Variants in FIGNL2 observed in about 807,000 individuals in gnomAD.
The protein encoded by FIGNL2 is fidgetin like 2, also known as fidgetin-like protein 2.
For missense variants in FIGNL2, 1,060 were observed against 950.2 expected, an observed-to-expected ratio of 1.12 and a Z score of -1.52; for synonymous variants, 565 against 484.0, an observed-to-expected ratio of 1.17 and a Z score of -2.20.
At chr12:51,842,156 C>T (rs1939673926) in intron 1 of FIGNL2, 1 of 152,316 alleles carries the variant, frequency 6.6e-6, no homozygotes, top group Admixed American at 6.5e-5. Flanking sequence ...CTCCCAGCTG[C>T]CTTCCTCATT....
rs185035620 is a variant in FIGNL2, at chr12:51,826,348, G to A, written c.-11-3924C>T. On this transcript the variant is annotated intron_variant, in intron 1 of 1. Coordinates refer to ENST00000618634, the MANE Select transcript of FIGNL2 (RefSeq NM_001384995.1). ...GATCCTTTCAATAATCTAACCAGGG[G>A]CCAGGCACAGTGGCTCACGCCTGTA... Among the ~76,000 whole-genome samples, 581 of 152,134 alleles carry A rather than the reference G, an allele frequency of 3.8e-3. 2 individuals carry two copies. The highest frequency in any genetic ancestry group is 0.013 in the African/African-American group (537 of 41,490).
chr12:51,820,696 T>C lies in FIGNL2; in HGVS notation c.1718A>G (p.Gln573Arg), dbSNP rs1939154987. The C allele has an allele frequency of 1.3e-6, 2 of 1,492,388 alleles. No individual in the cohort carries two copies. Among genetic ancestry groups the C allele is most frequent in the Non-Finnish European group, 1.8e-6 (2 of 1,130,250 alleles). 92.4% of individuals were successfully genotyped at this position (1,492,388 alleles called of 1,614,324 possible). A position where few individuals can be genotyped will look rare whatever the true frequency, so the allele number is the denominator to read the frequency against. The change falls in exon 2 of 2, where the codon CAG becomes CGG. Residue 573 changes from glutamine (Q) to arginine (R), a missense_variant. Physicochemically the swap from Gln to Arg is conservative, Grantham distance 43. Coordinates refer to ENST00000618634, the MANE Select transcript of FIGNL2 (RefSeq NM_001384995.1). ...CCGCTCACTGAGCGCGCAGCCCTGC[T>C]GGGCCAGCGCCCGCTGCAGGATCTG... ...RGQILQRALA[Q>R]QGCALSEREL...
intron 1 of FIGNL2, among the ~76,000 whole-genome samples, chr12:51,832,952 CTT>C (rs1396782715): frequency 6.6e-6 from 1 of 152,220 alleles, no homozygotes; most frequent in East Asian, 1.9e-4. Flanking sequence ...CTTAACTTCT[CTT>C]TCACTCTTCA....
At position 51,848,591 on chromosome 12, in the gene FIGNL2, C is replaced by G; in HGVS notation, c.-63G>C. The G allele has an allele frequency of 1.0e-6, 1 of 967,642 alleles. No homozygotes were observed. The highest frequency in any genetic ancestry group is 4.8e-5 in the South Asian group (1 of 20,980). The allele number at this position is 967,642 out of a possible 1,614,324, so 59.9% of individuals were successfully genotyped here. On this transcript the variant is annotated 5_prime_UTR_variant, in exon 1 of 2. Transcript: ENST00000618634. ...GAGTGTGCGCGGCCTGGGGGCGCGT[C>G]CGGCCCGGGGACCGGGGCGGCGGCG... is the stretch of plus-strand genomic sequence containing the variant.
At chr12:51,824,369 C>T (rs1939290157) in intron 1 of FIGNL2, 2 of 152,210 alleles carry the variant, frequency 1.3e-5, no homozygotes, top group Admixed American at 6.5e-5. Flanking sequence ...GTTGACAGCA[C>T]CCCACCCCTG....
chr12:51,821,339 A>AC lies in FIGNL2; in HGVS notation c.1074dup (p.Phe359ValfsTer169). 1 of 1,498,946 alleles carries AC rather than the reference A, an allele frequency of 6.7e-7. No homozygotes were observed. Among genetic ancestry groups the AC allele is most frequent in the Admixed American group, 2.2e-5 (1 of 46,058 alleles). The allele number at this position is 1,498,946 out of a possible 1,614,324, so 92.9% of individuals were successfully genotyped here. A position where few individuals can be genotyped will look rare whatever the true frequency, so the allele number is the denominator to read the frequency against. On this transcript the variant is annotated frameshift_variant, in exon 2 of 2. Coordinates refer to ENST00000618634, the MANE Select transcript of FIGNL2 (RefSeq NM_001384995.1). LOFTEE classifies it low-confidence loss of function (END_TRUNC). ...GGAGTCTCCCCCGACGGCACGGCGA[A>AC]CCCCCCACGAGGAGCCGGGGCCCGC...
Position 51,820,890 on chromosome 12 carries a change from G to T in FIGNL2, c.1524C>A (p.Gly508=). The change falls in exon 2 of 2, where the codon GGC becomes GGA. Residue 508 remains glycine, a synonymous_variant. Coordinates refer to ENST00000618634, the MANE Select transcript of FIGNL2 (RefSeq NM_001384995.1). ...PARDDGAAAG[G]ALQVPLLACL... is the part of the protein sequence containing the mutation. Reference sequence around the variant, plus strand: ...AGGCCAGGAGCGGCACCTGCAGCGCGCCCCCTGCCGCCGCGCCGTCGTCCC... The same window carrying T: ...AGGCCAGGAGCGGCACCTGCAGCGCTCCCCCTGCCGCCGCGCCGTCGTCCC... 1 of 1,344,004 alleles carries T rather than the reference G, an allele frequency of 7.4e-7. No individual in the cohort carries two copies. The highest frequency in any genetic ancestry group is 9.5e-7 in the Non-Finnish European group (1 of 1,056,128). The allele number at this position is 1,344,004 out of a possible 1,614,324, so 83.3% of individuals were successfully genotyped here.
chr12:51,821,064 G>T lies in FIGNL2; in HGVS notation c.1350C>A (p.Gly450=). ...CGCCGCGCAGGCGCAACAGCGTGGC[G>T]CCCAGCTGCGTGGCGAGGCAGCGGC... ...LLGRCLATQL[G]ATLLRLRGAT... The change falls in exon 2 of 2, where the codon GGC becomes GGA. Residue 450 remains glycine (G), a synonymous_variant. Coordinates refer to ENST00000618634, the MANE Select transcript of FIGNL2 (RefSeq NM_001384995.1). 7.9e-7 allele frequency: 1 copy of T among 1,270,780 alleles called. No individual in the cohort carries two copies. Among genetic ancestry groups the T allele is most frequent in the South Asian group, 2.6e-5 (1 of 38,580 alleles). 78.7% of individuals were successfully genotyped at this position (1,270,780 alleles called of 1,614,324 possible).
chr12:51,824,825 C>T (rs757735236), intron 1 of FIGNL2, among the ~76,000 whole-genome samples: 3 of 152,194 alleles, frequency 2.0e-5, no homozygotes, highest in Non-Finnish European at 4.4e-5. Context: ...TGGTGGATCA[C>T]CTGAGGTCAG....
chr12:51,847,885 GC>G, intron 1 of FIGNL2: 1 of 952,616 alleles, frequency 1.0e-6, no homozygotes, highest in Non-Finnish European at 1.2e-6. Context: ...GTTGCCTGTA[GC>G]CCCAGGGTGA....
Position 51,826,640 on chromosome 12 carries a change from C to CA in FIGNL2, c.-11-4217dup, listed in dbSNP as rs4025910. On this transcript the variant is annotated intron_variant, in intron 1 of 1. Transcript: ENST00000618634. ...GGCGATAAGAGCGAAACTCCCATCTCAAAAAAAAAAAAAAAAAAAAAAATC... is the reference window on the plus strand; with the variant it reads ...GGCGATAAGAGCGAAACTCCCATCTCAAAAAAAAAAAAAAAAAAAAAAAATC... 2.7e-3 allele frequency among the ~76,000 whole-genome samples: 284 copies of CA among 104,356 alleles called. 3 individuals are homozygous for CA. The highest frequency in any genetic ancestry group is 0.021 in the South Asian group (60 of 2,906). The allele number at this position is 104,356 out of a possible 152,430, so 68.5% of individuals were successfully genotyped here. A position where few individuals can be genotyped will look rare whatever the true frequency, so the allele number is the denominator to read the frequency against.
intron 1 of FIGNL2, among the ~76,000 whole-genome samples, chr12:51,829,787 A>G (rs1939416621): frequency 6.6e-6 from 1 of 151,072 alleles, no homozygotes; most frequent in Non-Finnish European, 1.5e-5. Context: ...GAGAGGAAAA[A>G]AGAAGGAAGG....
chr12:51,820,310 T>A lies in FIGNL2; in HGVS notation c.*142A>T, dbSNP rs1592182995. The A allele has an allele frequency of 1.0e-5, 11 of 1,096,278 alleles. No homozygotes were observed. Among genetic ancestry groups the A allele is most frequent in the Middle Eastern group, 3.1e-4 (1 of 3,278 alleles). 67.9% of individuals were successfully genotyped at this position (1,096,278 alleles called of 1,614,324 possible). On this transcript the variant is annotated 3_prime_UTR_variant, in exon 2 of 2. Coordinates refer to ENST00000618634, the MANE Select transcript of FIGNL2 (RefSeq NM_001384995.1). ...TTTCCTTCCCACGAAAAAAAAAATA[T>A]CCACCGGCAGACCCCTCCTGTCCCC...
intron 1 of FIGNL2, among the ~76,000 whole-genome samples, chr12:51,839,569 T>G (rs1939628350): frequency 6.6e-6 from 1 of 152,204 alleles, no homozygotes; most frequent in Non-Finnish European, 1.5e-5. Context: ...GAGACGATGT[T>G]AACCCTTCAG....
Position 51,820,745 on chromosome 12 carries a change from G to A in FIGNL2, c.1669C>T (p.Leu557=). ...TGCCCGCGGGCCGGGCTGTCGGGCA[G>A]CGCCACGTAGAAGCGGAGAGAGAAG... ...RRFSLRFYVA[L]PDSPARGQIL... Residue 557 remains leucine, a synonymous_variant, in exon 2 of 2, where the codon CTG becomes TTG. Coordinates refer to ENST00000618634, the MANE Select transcript of FIGNL2 (RefSeq NM_001384995.1). 1 of 1,485,724 alleles carries A rather than the reference G, an allele frequency of 6.7e-7. No homozygotes were observed. The allele number at this position is 1,485,724 out of a possible 1,614,324, so 92.0% of individuals were successfully genotyped here. A position where few individuals can be genotyped will look rare whatever the true frequency, so the allele number is the denominator to read the frequency against.
intron 1 of FIGNL2, chr12:51,845,573 C>A: frequency 2.0e-6 from 2 of 985,410 alleles, no homozygotes; most frequent in Non-Finnish European, 2.4e-6. Flanking sequence ...TTTGCAGAGC[C>A]ATGCTCCTTC....
In FIGNL2 at chr12:51,821,399, C is replaced by T. The variant is rs1269835318; in HGVS notation, c.1015G>A (p.Gly339Ser). ...PLKVLGSPVY[G>S]PQLEPFEKFP... ...TTTTCAAAGGGCTCCAGTTGCGGGC[C>T]GTAGACGGGGGAGCCCAGGACCTTG... The change falls in exon 2 of 2, where the codon GGC becomes AGC. Residue 339 changes from glycine (G) to serine (S), a missense_variant. Gly to Ser is a moderately conservative substitution (Grantham distance 56, BLOSUM62 0). Coordinates refer to ENST00000618634, the MANE Select transcript of FIGNL2 (RefSeq NM_001384995.1). The T allele has an allele frequency of 3.3e-6, 5 of 1,525,302 alleles. No homozygotes were observed. Among genetic ancestry groups the T allele is most frequent in the African/African-American group, 2.8e-5 (2 of 70,600 alleles). 94.5% of individuals were successfully genotyped at this position (1,525,302 alleles called of 1,614,324 possible).
intron 1 of FIGNL2, chr12:51,847,388 T>C: frequency 1.0e-6 from 1 of 985,366 alleles, no homozygotes; most frequent in Non-Finnish European, 1.2e-6. Context: ...GGGTCCCCAC[T>C]CCTCGCTGCC....
At chr12:51,829,289 G>A (rs1939406920) in intron 1 of FIGNL2, among the ~76,000 whole-genome samples, 1 of 152,214 alleles carries the variant, frequency 6.6e-6, no homozygotes, top group South Asian at 2.1e-4. Flanking sequence ...TACAACGGGT[G>A]CCCCAGGGGG....
Sources: gnomAD v4.1 joint callset for allele counts (sites outside exome capture counted in the v4.1 genomes callset) on GRCh38, gnomAD v4.1.1 for gene constraint, MANE v1.5 for transcripts, NCBI Gene and HGNC (gene_info 2026-07-23, HGNC 2026-07-21) for gene names.